Variants in KCNQ1 observed in about 807,000 individuals in gnomAD.
KCNQ1 encodes the protein potassium voltage-gated channel subfamily KQT member 1.
In KCNQ1, 49 loss-of-function variants were observed where a neutral mutation model predicts 72.4. The observed-to-expected ratio is 0.68, with a 90% CI of 0.54 to 0.86. KCNQ1 has a LOEUF of 0.86. Among genes scored for constraint, KCNQ1 ranks in the 40% least tolerant of loss-of-function variants. KCNQ1 has a pLI of 0.00. For synonymous variants in KCNQ1, 450 were observed against 412.6 expected, an observed-to-expected ratio of 1.09 and a Z score of -1.10; for missense variants, 790 against 945.1, an observed-to-expected ratio of 0.84 and a Z score of 2.15.
Position 2,447,181 on chromosome 11 carries a change from T to G in KCNQ1, c.386+1697T>G, listed in dbSNP as rs1180284449. Among the ~76,000 whole-genome samples, 1 of 152,160 alleles carries G rather than the reference T, an allele frequency of 6.6e-6. No homozygotes were observed. The highest frequency in any genetic ancestry group is 1.5e-5 in the Non-Finnish European group (1 of 68,040). On this transcript the variant is annotated intron_variant, in intron 1 of 15. Coordinates refer to ENST00000155840, the MANE Select transcript of KCNQ1 (RefSeq NM_000218.3). This position sits in a 1 kb window ranked among gnomAD's most constrained non-coding sequence, Gnocchi z 7.6. ...CCCCAGAGGAAGTCTCTGCTTGCAC[T>G]TGTGTTTTCTTCCTCATTTGGATTG...
chr11:2,696,040 T>G (rs1268817656), intron 11 of KCNQ1: 2 of 398,506 alleles, frequency 5.0e-6, no homozygotes, highest in Admixed American at 8.8e-5. Context: ...AATTGTTTCC[T>G]TAGTATTATT....
Position 2,803,901 on chromosome 11 carries a change from C to T in KCNQ1, c.1794+25864C>T, listed in dbSNP as rs566289398. Among the ~76,000 whole-genome samples the T allele has an allele frequency of 3.9e-5, 6 of 152,244 alleles. No homozygotes were observed. The highest frequency in any genetic ancestry group is 8.8e-5 in the Non-Finnish European group (6 of 68,024). The stretch of plus-strand genomic sequence containing the variant: ...CCCCACACCAGCCATTGGATGGGGC[C>T]GCCTCTGCCACCTGCTCCAGCCACC... On this transcript the variant is annotated intron_variant, in intron 15 of 15. Coordinates refer to ENST00000155840, the MANE Select transcript of KCNQ1 (RefSeq NM_000218.3). The surrounding 1 kb of genome is among the most constrained non-coding windows in gnomAD (Gnocchi z 6.4).
intron 2 of KCNQ1, among the ~76,000 whole-genome samples, chr11:2,554,626 G>A (rs1192525173): frequency 3.3e-5 from 5 of 152,162 alleles, no homozygotes; most frequent in Admixed American, 1.3e-4. Flanking sequence ...TAAGGGGCAC[G>A]GGGGACAAAG....
At chr11:2,610,169 T>C (rs1057175068) in intron 10 of KCNQ1, 2 of 397,974 alleles carry the variant, frequency 5.0e-6, no homozygotes, top group Non-Finnish European at 8.9e-6. Flanking sequence ...TCTTCAATAT[T>C]CTATTTGTTA....
At chr11:2,716,254 A>C (rs1851090863) in intron 11 of KCNQ1, among the ~76,000 whole-genome samples, 1 of 151,892 alleles carries the variant, frequency 6.6e-6, no homozygotes, top group South Asian at 2.1e-4. Context: ...TCACTAGGGA[A>C]AGAAGTCAGA....
At chr11:2,765,111 T>G (rs2133977681) in intron 11 of KCNQ1, among the ~76,000 whole-genome samples, 1 of 152,360 alleles carries the variant, frequency 6.6e-6, no homozygotes, top group East Asian at 1.9e-4. Context: ...CTCTGAGATA[T>G]GCATTTAAAG....
intron 10 of KCNQ1, chr11:2,656,590 T>C (rs1267782314): frequency 2.5e-6 from 1 of 398,576 alleles, no homozygotes; most frequent in Non-Finnish European, 4.4e-6. Context: ...TTTTGTGATG[T>C]GCTACTTTGT....
Position 2,462,899 on chromosome 11 carries a change from G to A in KCNQ1, c.386+17415G>A, listed in dbSNP as rs1846298754. ...GGTCCATGTGCCGTGCCCAGCCTGG[G>A]GTTCAGGTTTCTTCCCCGTGAGCTG... On this transcript the variant is annotated intron_variant, in intron 1 of 15. Coordinates refer to ENST00000155840, the MANE Select transcript of KCNQ1 (RefSeq NM_000218.3). The surrounding 1 kb of genome is among the most constrained non-coding windows in gnomAD (Gnocchi z 8.2). Among the ~76,000 whole-genome samples the A allele has an allele frequency of 6.6e-6, 1 of 152,184 alleles. No homozygotes were observed. The highest frequency in any genetic ancestry group is 2.1e-4 in the South Asian group (1 of 4,834).
rs1564829399 is a variant in KCNQ1, at chr11:2,599,378, A to C, written c.1393+10524A>C. Among the ~76,000 whole-genome samples, 1 of 152,128 alleles carries C rather than the reference A, an allele frequency of 6.6e-6. No individual in the cohort carries two copies. The highest frequency in any genetic ancestry group is 1.5e-5 in the Non-Finnish European group (1 of 68,012). On this transcript the variant is annotated intron_variant, in intron 10 of 15. Coordinates refer to ENST00000155840, the MANE Select transcript of KCNQ1 (RefSeq NM_000218.3). The surrounding 1 kb of genome is among the most constrained non-coding windows in gnomAD (Gnocchi z 4.7). Reference sequence around the variant, plus strand: ...CTATCTCTAATTGAATTTTATTTCTATTTCAATTCTATTCTAAAATTTATA... The same window carrying C: ...CTATCTCTAATTGAATTTTATTTCTCTTTCAATTCTATTCTAAAATTTATA...
intron 11 of KCNQ1, among the ~76,000 whole-genome samples, chr11:2,718,835 G>T (rs747035843): frequency 6.6e-6 from 1 of 152,226 alleles, no homozygotes; most frequent in African/African-American, 2.4e-5. Flanking sequence ...CTGAGAGCTG[G>T]CTAGGCAGGC....
rs1260528834 is a variant in KCNQ1 at position 2,512,534 on chromosome 11, G to A, written c.387-15394G>A. On this transcript the variant is annotated intron_variant, in intron 1 of 15. Transcript: ENST00000155840. Reference sequence around the variant, plus strand: ...CCTCAAGACAAGTGTGGCCATGACCGCATGGGGCCAGCAGGGTGTGAGTTG... The same window carrying A: ...CCTCAAGACAAGTGTGGCCATGACCACATGGGGCCAGCAGGGTGTGAGTTG... Among the ~76,000 whole-genome samples the A allele has an allele frequency of 5.9e-5, 9 of 152,336 alleles. No homozygotes were observed. The South Asian group carries it at 6.2e-4, about 11-fold the overall frequency.
At chr11:2,754,325 C>T (rs1846267847) in intron 11 of KCNQ1, among the ~76,000 whole-genome samples, 1 of 152,220 alleles carries the variant, frequency 6.6e-6, no homozygotes, top group Admixed American at 6.5e-5. Context: ...TTTCTCACCA[C>T]CCCAGCCTCT....
intron 10 of KCNQ1, chr11:2,634,175 T>C: frequency 2.7e-6 from 1 of 375,566 alleles, no homozygotes; most frequent in Non-Finnish European, 4.6e-6. Flanking sequence ...TCTCTCTCCC[T>C]TTTTTTTATT....
intron 11 of KCNQ1, chr11:2,666,046 G>A (rs1230766472): frequency 1.5e-5 from 6 of 398,490 alleles, no homozygotes; most frequent in Non-Finnish European, 2.2e-5. Flanking sequence ...TGAGATAGAC[G>A]GCCCAAGAGG....
At position 2,687,808 on chromosome 11, in the gene KCNQ1, C is replaced by T; in HGVS notation, c.1514+25727C>T. The T allele has an allele frequency of 2.5e-6, 1 of 398,746 alleles. No homozygotes were observed. The highest frequency in any genetic ancestry group is 4.4e-6 in the Non-Finnish European group (1 of 226,172). 24.7% of individuals were successfully genotyped at this position (398,746 alleles called of 1,614,324 possible). On this transcript the variant is annotated intron_variant, in intron 11 of 15. Coordinates refer to ENST00000155840, the MANE Select transcript of KCNQ1 (RefSeq NM_000218.3). This position sits in a 1 kb window ranked among gnomAD's most constrained non-coding sequence, Gnocchi z 5.0. The stretch of plus-strand genomic sequence containing the variant: ...CCCCTAAGCCACCCAGCCTGGCCCC[C>T]CTCCTCTGCCCCAACTGGCTCCAGG...
intron 11 of KCNQ1, chr11:2,665,372 G>A (rs185506979): frequency 4.5e-5 from 18 of 398,142 alleles, no homozygotes; most frequent in Admixed American, 8.8e-5. Context: ...CCCATGACAA[G>A]AGGAGCCCTG....
At position 2,692,846 on chromosome 11, in the gene KCNQ1, CAT is replaced by C. The variant is rs1213305442; in HGVS notation, c.1514+30767_1514+30768del. ...AATGATCATTCCCCTGCCTGTTAGA[CAT>C]AATTCACTGCCTGGGAAGGCACTGT... On this transcript the variant is annotated intron_variant, in intron 11 of 15. Transcript: ENST00000155840. 34 of 398,670 alleles carry C rather than the reference CAT, an allele frequency of 8.5e-5. No individual in the cohort carries two copies. The highest frequency in any genetic ancestry group is 1.5e-4 in the Non-Finnish European group (34 of 226,102). 24.7% of individuals were successfully genotyped at this position (398,670 alleles called of 1,614,324 possible).
chr11:2,694,068 C>T, intron 11 of KCNQ1: 2 of 398,692 alleles, frequency 5.0e-6, no homozygotes, highest in South Asian at 1.3e-4. Flanking sequence ...GCAGCTGACA[C>T]GTAGTTCCAA....
rs1029914290 is a variant in KCNQ1 at position 2,767,592 on chromosome 11, G to A, written c.1515-1252G>A. On this transcript the variant is annotated intron_variant, in intron 11 of 15. Transcript: ENST00000155840. The surrounding 1 kb of genome is among the most constrained non-coding windows in gnomAD (Gnocchi z 4.6). ...AGATAATTTTATTTTCTTCTGCCAC[G>A]CGCAAAGCACCTTACTCCAGTAGGG... is the stretch of plus-strand genomic sequence containing the variant. 4.6e-5 allele frequency among the ~76,000 whole-genome samples: 7 copies of A among 152,038 alleles called. No homozygotes were observed. Among genetic ancestry groups the A allele is most frequent in the Admixed American group, 1.3e-4 (2 of 15,270 alleles).
Sources: gnomAD v4.1 joint callset for allele counts (sites outside exome capture counted in the v4.1 genomes callset) on GRCh38, gnomAD v4.1.1 for gene constraint, Gnocchi (gnomAD v3.1) non-coding constraint, MANE v1.5 for transcripts, NCBI Gene and HGNC (gene_info 2026-07-23, HGNC 2026-07-21) for gene names.